The following CPS1 variants were observed in gnomAD, a reference collection of about 807,000 sequenced individuals.
CPS1 encodes carbamoyl-phosphate synthase 1, also known as carbamoyl-phosphate synthase [ammonia], mitochondrial.
CPS1 carries 109 observed loss-of-function variants against 174.6 expected under a neutral mutation model. The observed-to-expected ratio is 0.62, with a 90% CI of 0.53 to 0.73. The LOEUF (loss-of-function observed/expected upper bound fraction) is 0.73, where lower values mean the gene tolerates loss of function less well. Ranked by LOEUF, CPS1 falls within the 30% of genes least tolerant of loss-of-function variation. The pLI is 0.00. For missense variants in CPS1, 1,689 were observed against 1,821.9 expected (o/e 0.93, Z 1.33); for synonymous variants, 637 against 632.0 (o/e 1.01, Z -0.12).
Position 210,668,272 on chromosome 2 carries a change from G to T in CPS1, c.4089G>T (p.Leu1363=), listed in dbSNP as rs368890059. Reference sequence around the variant, plus strand: ...TTAAGATACCCCAGAAAGGCATCCTGATAGGCATCCAGGTAAGTGGTTTGT... The same window carrying T: ...TTAAGATACCCCAGAAAGGCATCCTTATAGGCATCCAGGTAAGTGGTTTGT... ...TGFKIPQKGI[L]IGIQQSFRPR... The change falls in exon 34 of 38, where the codon CTG becomes CTT. Residue 1363 remains leucine, a synonymous_variant. Coordinates refer to ENST00000233072, the MANE Select transcript of CPS1 (RefSeq NM_001875.5). 6.3e-5 allele frequency: 102 copies of T among 1,612,894 alleles called. 1 individual carries two copies. In the African/African-American group the frequency reaches 1.3e-3, roughly 21 times the overall value.
At chr2:210,556,934 CA>C (rs1388905185) in intron 1 of CPS1, 75 bp downstream of exon 1, 1 of 1,516,250 alleles carries the variant, frequency 6.6e-7, no homozygotes, top group African/African-American at 1.4e-5. Context: ...GTGTCCCTTA[CA>C]AGGCAAATAC....
At chr2:210,610,640 A>G (rs1699079565) in intron 19 of CPS1, among the ~76,000 whole-genome samples, 1 of 151,880 alleles carries the variant, frequency 6.6e-6, no homozygotes, top group South Asian at 2.1e-4. Flanking sequence ...GTGCATTTTA[A>G]TAGTATAGGG....
chr2:210,645,002 T>C (rs1234628803), intron 25 of CPS1, among the ~76,000 whole-genome samples: 1 of 152,232 alleles, frequency 6.6e-6, no homozygotes, highest in African/African-American at 2.4e-5. Flanking sequence ...TTCTTGAAAC[T>C]ATTCAGGCCT....
At chr2:210,511,371 G>GCA (rs1361332481) in intron 1 of CPS1, among the ~76,000 whole-genome samples, 11 of 152,064 alleles carry the variant, frequency 7.2e-5, no homozygotes, top group Non-Finnish European at 1.3e-4. Context: ...TCACACACTT[G>GCA]GGGCCTGTTG....
At chr2:210,577,558 A>G in intron 4 of CPS1, 48 bp downstream of exon 4, 2 of 1,369,488 alleles carry the variant, frequency 1.5e-6, no homozygotes, top group East Asian at 4.6e-5. Flanking sequence ...AAGGTTGAGA[A>G]GGTGCCTGTA....
At chr2:210,508,139 C>T (rs200895418) in intron 1 of CPS1, among the ~76,000 whole-genome samples, 28,753 of 148,822 alleles carry the variant, frequency 0.19, 3,492 homozygotes, top group Middle Eastern at 0.33. Context: ...TAAAGCACTC[C>T]TCAGCAAATG....
chr2:210,498,771 A>T (rs761409587), intron 1 of CPS1, among the ~76,000 whole-genome samples: 2 of 152,158 alleles, frequency 1.3e-5, no homozygotes, highest in African/African-American at 4.8e-5. Flanking sequence ...GGTGCTCTAG[A>T]TGCTTGGAGA....
intron 1 of CPS1, among the ~76,000 whole-genome samples, chr2:210,560,108 G>GAT (rs1203970106): frequency 1.3e-5 from 2 of 151,918 alleles, no homozygotes; most frequent in Admixed American, 1.3e-4. Flanking sequence ...TCTCTAAGAA[G>GAT]ATATTTCTTA....
At chr2:210,497,893 C>CACAT (rs1553718833) in intron 1 of CPS1, among the ~76,000 whole-genome samples, 4 of 86,942 alleles carry the variant, frequency 4.6e-5, no homozygotes, top group South Asian at 4.8e-4. Flanking sequence ...TATATACATA[C>CACAT]ATATATATAT....
chr2:210,555,779 CT>C, upstream of CPS1: 1 of 407,888 alleles, frequency 2.5e-6, no homozygotes, highest in Non-Finnish European at 5.0e-6. Context: ...AGTGAGGCCC[CT>C]TGAGAGCCTG....
intron 1 of CPS1, among the ~76,000 whole-genome samples, chr2:210,494,766 A>G (rs1694951454): frequency 6.6e-6 from 1 of 152,208 alleles, no homozygotes; most frequent in Non-Finnish European, 1.5e-5. Context: ...ACTTCACTGA[A>G]GTATGCACTG....
intron 34 of CPS1, among the ~76,000 whole-genome samples, chr2:210,670,691 G>A (rs1159450230): frequency 6.6e-6 from 1 of 152,132 alleles, no homozygotes; most frequent in Non-Finnish European, 1.5e-5. Flanking sequence ...GCATCTAGTT[G>A]AAGGTGAGTT....
At position 210,663,411 on chromosome 2, in the gene CPS1, T is replaced by C. The variant is rs181958647; in HGVS notation, c.4002+214T>C. Among the ~76,000 whole-genome samples, 324 of 152,340 alleles carry C rather than the reference T, an allele frequency of 2.1e-3. 2 individuals carry two copies. The highest frequency in any genetic ancestry group is 7.4e-3 in the African/African-American group (306 of 41,570). Reference sequence around the variant, plus strand: ...TATTTTAACATGGGAATATAATACATGTGTTACTAATTCATTTTCACATGA... The same window carrying C: ...TATTTTAACATGGGAATATAATACACGTGTTACTAATTCATTTTCACATGA... On this transcript the variant is annotated intron_variant, in intron 33 of 37. Transcript: ENST00000233072.
chr2:210,554,124 T>C (rs1232894412), upstream of CPS1, among the ~76,000 whole-genome samples: 1 of 141,090 alleles, frequency 7.1e-6, no homozygotes, highest in Non-Finnish European at 1.6e-5. Context: ...TATGTATGTA[T>C]ATATACATAC....
At chr2:210,594,293 TTA>T (rs1157196789) in intron 11 of CPS1, among the ~76,000 whole-genome samples, 4 of 151,958 alleles carry the variant, frequency 2.6e-5, no homozygotes, top group Admixed American at 2.6e-4. Context: ...AACTTCTTTT[TTA>T]TAAGACTTGA....
At chr2:210,479,671 C>T (rs1694509994) in intron 1 of CPS1, among the ~76,000 whole-genome samples, 1 of 152,130 alleles carries the variant, frequency 6.6e-6, no homozygotes, top group Non-Finnish European at 1.5e-5. Context: ...ATTTGGGGGG[C>T]AACAATTTTA....
chr2:210,562,655 A>G (rs1441585806), intron 1 of CPS1, among the ~76,000 whole-genome samples: 1 of 152,152 alleles, frequency 6.6e-6, no homozygotes, highest in African/African-American at 2.4e-5. Flanking sequence ...GAGGCGAACT[A>G]ATAGCTTAGA....
Position 210,577,493 on chromosome 2 carries a change from T to C in CPS1, c.454T>C (p.Trp152Arg). 6.2e-7 allele frequency: 1 copy of C among 1,613,430 alleles called. No individual in the cohort carries two copies. The highest frequency in any genetic ancestry group is 8.5e-7 in the Non-Finnish European group (1 of 1,179,524). Reference protein sequence around the residue: ...HWLATKSLGQWLQEEKVPAIY... With the variant: ...HWLATKSLGQRLQEEKVPAIY... The stretch of plus-strand genomic sequence containing the variant: ...GCTGGCTACCAAGAGTTTAGGGCAA[T>C]GGCTACAGGAAGAAAAGGTAAGAAA... Residue 152 changes from tryptophan (W) to arginine (R), a missense_variant, in exon 4 of 38, where the codon TGG becomes CGG. By Grantham distance (101) the Trp-to-Arg change is moderately radical. Transcript: ENST00000233072.
At chr2:210,497,889 C>CATATATATATATATATATAT (rs1401841718) in intron 1 of CPS1, among the ~76,000 whole-genome samples, 113 of 63,036 alleles carry the variant, frequency 1.8e-3, no homozygotes, top group Non-Finnish European at 2.5e-3. Flanking sequence ...ACAATATATA[C>CATATATATATATATATATAT]ATACATATAT....
Sources: allele counts gnomAD v4.1 joint callset (sites outside exome capture counted in the v4.1 genomes callset), GRCh38; gene constraint gnomAD v4.1.1; transcripts MANE v1.5; gene names NCBI Gene and HGNC (gene_info 2026-07-23, HGNC 2026-07-21).